The following TCF7L1 variants were observed in gnomAD, a reference collection of about 807,000 sequenced individuals.
The protein encoded by TCF7L1 is transcription factor 7 like 1.
A neutral mutation model predicts 63.7 loss-of-function variants in TCF7L1; 18 were observed. That is an observed-to-expected ratio of 0.28 (90% CI 0.20 to 0.42). TCF7L1 has a LOEUF of 0.42. Ranked by LOEUF, TCF7L1 falls within the 10% of genes least tolerant of loss-of-function variation. The pLI, the probability that TCF7L1 is intolerant of heterozygous loss-of-function variation, is 1.00. For synonymous variants in TCF7L1, 355 were observed against 340.9 expected (o/e 1.04, Z -0.46); for missense variants, 654 against 779.3 (o/e 0.84, Z 1.91).
At chr2:85,226,571 G>T (rs976271611) in intron 3 of TCF7L1, among the ~76,000 whole-genome samples, 46 of 110,716 alleles carry the variant, frequency 4.2e-4, no homozygotes, top group Non-Finnish European at 8.2e-4. Context: ...CCACCATAAA[G>T]TAGCTTCCTC....
intron 3 of TCF7L1, among the ~76,000 whole-genome samples, chr2:85,141,257 A>C (rs912777112): frequency 2.0e-5 from 3 of 152,190 alleles, no homozygotes; most frequent in African/African-American, 4.8e-5. Flanking sequence ...ATAAAAATAA[A>C]AAATAAGAGG....
chr2:85,213,034 G>T (rs1679610546), intron 3 of TCF7L1, among the ~76,000 whole-genome samples: 1 of 152,074 alleles, frequency 6.6e-6, no homozygotes, highest in Non-Finnish European at 1.5e-5. Flanking sequence ...GAGGTGTGGG[G>T]TGGGGTGAGA....
intron 3 of TCF7L1, among the ~76,000 whole-genome samples, chr2:85,213,115 T>C (rs1305314716): frequency 8.8e-5 from 10 of 113,620 alleles, no homozygotes; most frequent in Non-Finnish European, 1.3e-4. Flanking sequence ...AGCACAAAGA[T>C]GGGCAGGAGA....
At chr2:85,298,628 C>T (rs985508866) in intron 4 of TCF7L1, among the ~76,000 whole-genome samples, 13 of 152,214 alleles carry the variant, frequency 8.5e-5, no homozygotes, top group African/African-American at 2.4e-4. Flanking sequence ...TGGCTTGCAG[C>T]GCTTGCCTGA....
At chr2:85,229,239 C>G (rs746559934) in intron 3 of TCF7L1, among the ~76,000 whole-genome samples, 1 of 151,558 alleles carries the variant, frequency 6.6e-6, no homozygotes, top group Non-Finnish European at 1.5e-5. Context: ...CCAGCTACTC[C>G]GGGAGGCTGA....
intron 3 of TCF7L1, among the ~76,000 whole-genome samples, chr2:85,201,058 CT>C (rs1442661157): frequency 6.6e-6 from 1 of 152,108 alleles, no homozygotes; most frequent in Non-Finnish European, 1.5e-5. Context: ...AAAAAATTAG[CT>C]GGTGCAGTGG....
rs556256511 is a variant in TCF7L1 at position 85,149,042 on chromosome 2, G to A, written c.441+14592G>A. 1.8e-4 allele frequency among the ~76,000 whole-genome samples: 27 copies of A among 152,180 alleles called. No individual in the cohort carries two copies. The South Asian group carries it at 5.0e-3, about 28-fold the overall frequency. On this transcript the variant is annotated intron_variant, in intron 3 of 11. Transcript: ENST00000282111. ...GATCCACCCGCCTTGGCCTCCCAAA[G>A]TGCTAGGATTACAGGTGTCAGCCAC...
chr2:85,223,238 C>T (rs13402421), intron 3 of TCF7L1, among the ~76,000 whole-genome samples: 5,468 of 152,262 alleles, frequency 0.036, 321 homozygotes, highest in African/African-American at 0.12. Context: ...TGTGCCATCA[C>T]GCCCTGCTAA....
intron 3 of TCF7L1, among the ~76,000 whole-genome samples, chr2:85,251,800 C>T (rs1290560581): frequency 1.3e-5 from 2 of 152,168 alleles, no homozygotes; most frequent in Admixed American, 6.5e-5. Flanking sequence ...AGGCTAGGTG[C>T]AGTGGCTCAC....
At chr2:85,254,838 T>C (rs986171246) in intron 3 of TCF7L1, among the ~76,000 whole-genome samples, 4 of 152,062 alleles carry the variant, frequency 2.6e-5, no homozygotes, top group Middle Eastern at 3.2e-3. Flanking sequence ...CACAGGTATG[T>C]GGGGAAAACA....
In TCF7L1 at chr2:85,239,958, A is replaced by C. The variant is rs565594905; in HGVS notation, c.442-43537A>C. On this transcript the variant is annotated intron_variant, in intron 3 of 11. Coordinates refer to ENST00000282111, the MANE Select transcript of TCF7L1 (RefSeq NM_031283.3). ...GAGACTCCATCTAAAAAAAAAAAAA[A>C]AAACAAAAAAAAAACAAGAATGAAA... Among the ~76,000 whole-genome samples the C allele has an allele frequency of 8.6e-3, 1,311 of 151,806 alleles. 27 individuals carry two copies. Among genetic ancestry groups the C allele is most frequent in the African/African-American group, 0.03 (1,257 of 41,378 alleles).
chr2:85,304,238 T>C lies in TCF7L1; in HGVS notation c.762-17T>C, dbSNP rs1682052392. The C allele has an allele frequency of 1.9e-6, 3 of 1,609,234 alleles. No homozygotes were observed. Among genetic ancestry groups the C allele is most frequent in the Non-Finnish European group, 2.5e-6 (3 of 1,176,796 alleles). ...GAGCTTTCCCAATATGCTGACCAGA[T>C]TTCCTCCCCCTCACAGGCAAGGCCA... On this transcript the variant is annotated splice_polypyrimidine_tract_variant and intron_variant, in intron 6 of 11. Coordinates refer to ENST00000282111, the MANE Select transcript of TCF7L1 (RefSeq NM_031283.3).
chr2:85,182,604 G>A (rs892689546), intron 3 of TCF7L1, among the ~76,000 whole-genome samples: 7 of 152,192 alleles, frequency 4.6e-5, no homozygotes, highest in African/African-American at 9.7e-5. Context: ...AAAACCCCAG[G>A]TGGGAAATGG....
intron 3 of TCF7L1, among the ~76,000 whole-genome samples, chr2:85,240,707 C>T (rs1327049442): frequency 6.7e-6 from 1 of 149,614 alleles, no homozygotes; most frequent in Non-Finnish European, 1.5e-5. Context: ...ACCCAGGCGG[C>T]AGAGGTTGCA....
At chr2:85,140,578 C>T (rs779950190) in intron 3 of TCF7L1, among the ~76,000 whole-genome samples, 2 of 151,418 alleles carry the variant, frequency 1.3e-5, no homozygotes, top group African/African-American at 4.9e-5. Flanking sequence ...GCGGGTGGAT[C>T]ACCTGAGGTC....
chr2:85,179,525 C>G (rs1678752220), intron 3 of TCF7L1, among the ~76,000 whole-genome samples: 1 of 152,182 alleles, frequency 6.6e-6, no homozygotes, highest in Non-Finnish European at 1.5e-5. Context: ...TCATCTTCCC[C>G]CTCCAAAACC....
intron 3 of TCF7L1, among the ~76,000 whole-genome samples, chr2:85,265,332 G>A (rs1326190339): frequency 6.6e-6 from 1 of 151,962 alleles, no homozygotes; most frequent in African/African-American, 2.4e-5. Flanking sequence ...CACCCTGGAA[G>A]AGTTAAATCA....
At chr2:85,233,440 T>C (rs368368370) in intron 3 of TCF7L1, among the ~76,000 whole-genome samples, 61 of 151,726 alleles carry the variant, frequency 4.0e-4, no homozygotes, top group African/African-American at 1.5e-3. Context: ...CTCAGTCTCC[T>C]GAGTAGCTGG....
intron 3 of TCF7L1, among the ~76,000 whole-genome samples, chr2:85,152,437 CTT>C (rs36116388): frequency 3.0e-5 from 4 of 131,898 alleles, no homozygotes; most frequent in Non-Finnish European, 3.1e-5. Context: ...CTCTCTCTCT[CTT>C]TTTTTTTTTT....
Sources: gnomAD v4.1 joint callset for allele counts (sites outside exome capture counted in the v4.1 genomes callset) on GRCh38, gnomAD v4.1.1 for gene constraint, MANE v1.5 for transcripts, NCBI Gene and HGNC (gene_info 2026-07-23, HGNC 2026-07-21) for gene names.